The following HELZ variants were observed in gnomAD, a reference collection of about 807,000 sequenced individuals.
HELZ encodes the protein helicase with zinc finger, also known as ATP-dependent RNA helicase with zinc finger domain.
Under a neutral mutation model 218.2 loss-of-function variants are expected in HELZ, and 23 were observed. That is an observed-to-expected ratio of 0.11 (90% CI 0.08 to 0.15). The LOEUF (loss-of-function observed/expected upper bound fraction) is 0.15. Ranked by LOEUF, HELZ falls within the 10% of genes least tolerant of loss-of-function variation. The pLI, the probability that HELZ is intolerant of heterozygous loss-of-function variation, is 1.00. For missense variants in HELZ, 1,813 were observed against 2,353.7 expected (o/e 0.77, Z 4.75); for synonymous variants, 814 against 829.4 (o/e 0.98, Z 0.32).
In HELZ at chr17:67,225,021, G is replaced by A. The variant is rs2040852770; in HGVS notation, c.-18-6199C>T. On this transcript the variant is annotated intron_variant, in intron 3 of 32. Coordinates refer to ENST00000358691, the MANE Select transcript of HELZ (RefSeq NM_014877.4). ...TGAACTGGAAGGAGATAAGAGAAAG[G>A]GTCAAGTGATCCAGTTCTATGTGTC... 9 of 675,100 alleles carry A rather than the reference G, an allele frequency of 1.3e-5. 1 individual carries two copies. The highest frequency in any genetic ancestry group is 1.3e-4 in the South Asian group (9 of 71,768). 41.8% of individuals were successfully genotyped at this position (675,100 alleles called of 1,614,324 possible).
At chr17:67,190,049 C>A (rs1381273372) in intron 10 of HELZ, 108 bp downstream of exon 10, 2 of 866,562 alleles carry the variant, frequency 2.3e-6, no homozygotes, top group Non-Finnish European at 3.7e-6. Context: ...GAATCAAGTT[C>A]TTTGCAAAGA....
intron 31 of HELZ, among the ~76,000 whole-genome samples, chr17:67,093,028 T>C (rs910177502): frequency 6.6e-6 from 1 of 152,084 alleles, no homozygotes; most frequent in African/African-American, 2.4e-5. Flanking sequence ...GCATAAAAGA[T>C]AGTCCCAGAT....
intron 31 of HELZ, among the ~76,000 whole-genome samples, chr17:67,101,978 C>A (rs1026107720): frequency 1.3e-5 from 2 of 152,152 alleles, no homozygotes; most frequent in Non-Finnish European, 2.9e-5. Flanking sequence ...CCTCCTCATC[C>A]CATCACACCT....
At position 67,148,635 on chromosome 17, in the gene HELZ, T is replaced by C; in HGVS notation, c.2555A>G (p.Tyr852Cys). ...AATCCTACATGGGAACTCAGCAGGG[T>C]AATGCTCATAGAGTCGGTCAAGTAA... The part of the protein sequence containing the change: ...VSLLDRLYEH[Y>C]PAEFPCRILL... Residue 852 changes from tyrosine (Y) to cysteine (C), a missense_variant, in exon 20 of 33, where the codon TAC (tyrosine) becomes TGC (cysteine). Tyr to Cys is a radical substitution (Grantham distance 194). Transcript: ENST00000358691. The C allele has an allele frequency of 6.2e-7, 1 of 1,613,768 alleles. No individual in the cohort carries two copies. Among genetic ancestry groups the C allele is most frequent in the Non-Finnish European group, 8.5e-7 (1 of 1,179,752 alleles).
Position 67,074,715 on chromosome 17 carries a change from A to C in HELZ, c.*3537T>G, listed in dbSNP as rs953813147. On this transcript the variant is annotated 3_prime_UTR_variant, in exon 33 of 33. Transcript: ENST00000358691. ...ATAAAAAAGGAGAGTATTTTCATAA[A>C]TTGGTCTTAGATGTTGCTATGTTTA... 2 of 152,116 alleles carry C rather than the reference A, an allele frequency of 1.3e-5. No individual in the cohort carries two copies. Among genetic ancestry groups the C allele is most frequent in the Non-Finnish European group, 2.9e-5 (2 of 67,996 alleles). The allele number at this position is 152,116 out of a possible 1,614,324, so 9.4% of individuals were successfully genotyped here.
intron 3 of HELZ, among the ~76,000 whole-genome samples, chr17:67,235,503 A>G (rs1021991563): frequency 2.7e-5 from 4 of 148,118 alleles, no homozygotes; most frequent in African/African-American, 1.0e-4. Context: ...AGACTCCCTC[A>G]CAAAAAAAAA....
chr17:67,210,620 CA>C (rs1008314725), intron 5 of HELZ, among the ~76,000 whole-genome samples: 2 of 152,108 alleles, frequency 1.3e-5, no homozygotes, highest in Non-Finnish European at 2.9e-5. Flanking sequence ...TTACCTCATT[CA>C]TTTTTTTAGT....
At chr17:67,187,705 A>C (rs1473415272) in intron 12 of HELZ, among the ~76,000 whole-genome samples, 1 of 152,212 alleles carries the variant, frequency 6.6e-6, no homozygotes, top group African/African-American at 2.4e-5. Flanking sequence ...GGATCTTGGC[A>C]TAAAATTTAG....
At position 67,167,778 on chromosome 17, in the gene HELZ, T is replaced by C. The variant is rs748110594; in HGVS notation, c.1449A>G (p.Gln483=). ...GCATGAAGCTTGCCAGAATCTGCAA[T>C]TGCACTTTAAGGTTGAACCTAAACC... ...KEISKFNLKV[Q]LQILASFMLT... The change falls in exon 14 of 33, where the codon CAA becomes CAG. Residue 483 remains glutamine (Q), a synonymous_variant. Coordinates refer to ENST00000358691, the MANE Select transcript of HELZ (RefSeq NM_014877.4). The C allele has an allele frequency of 1.1e-5, 17 of 1,610,008 alleles. No individual in the cohort carries two copies. The highest frequency in any genetic ancestry group is 2.7e-5 in the African/African-American group (2 of 74,788).
chr17:67,212,859 A>T (rs1018757923), intron 5 of HELZ, among the ~76,000 whole-genome samples: 1 of 152,146 alleles, frequency 6.6e-6, no homozygotes. Flanking sequence ...CAGAAATGAG[A>T]TTAGTGGGTC....
At chr17:67,110,943 G>A (rs944971615) in intron 28 of HELZ, among the ~76,000 whole-genome samples, 1 of 152,140 alleles carries the variant, frequency 6.6e-6, no homozygotes, top group African/African-American at 2.4e-5. Flanking sequence ...AGAAAATTAA[G>A]GAAGGTTTCA....
chr17:67,187,660 A>C (rs1321744765), intron 12 of HELZ, among the ~76,000 whole-genome samples: 2 of 152,246 alleles, frequency 1.3e-5, no homozygotes, highest in Non-Finnish European at 2.9e-5. Flanking sequence ...AGAGCAAAGG[A>C]AATGTGGGCT....
intron 17 of HELZ, among the ~76,000 whole-genome samples, 198 bp from the exon 18 acceptor site, chr17:67,151,422 A>T (rs191474220): frequency 4.3e-4 from 65 of 152,326 alleles, no homozygotes; most frequent in African/African-American, 1.5e-3. Flanking sequence ...TACCAAAAAA[A>T]TGACAGACAT....
intron 1 of HELZ, chr17:67,244,707 C>G: frequency 1.0e-6 from 1 of 984,788 alleles, no homozygotes; most frequent in South Asian, 4.7e-5. Context: ...GGTGGAAGTC[C>G]GAGGCCTGAG....
At chr17:67,149,813 C>A in intron 19 of HELZ, 54 bp downstream of exon 19, 1 of 984,926 alleles carries the variant, frequency 1.0e-6, no homozygotes, top group South Asian at 1.5e-5. Flanking sequence ...GAATATTAAA[C>A]ATCAAAATAT....
In HELZ at chr17:67,109,544, G is replaced by C; in HGVS notation, c.4061C>G (p.Ala1354Gly). ...GGGATGAAAGTGGCGATTAGGGATT[G>C]CATACTGTGCGTGGGGAGCAGGAAG... ...LPLPAPHAQY[A>G]IPNRHFHPLP... The change falls in exon 29 of 33, where the codon GCA (alanine) becomes GGA (glycine). Residue 1354 changes from alanine to glycine, a missense_variant. This residue lies in a region of HELZ where 938 missense variants were observed against 1,027.5 expected (regional missense o/e 0.91). Coordinates refer to ENST00000358691, the MANE Select transcript of HELZ (RefSeq NM_014877.4). The C allele has an allele frequency of 1.2e-6, 2 of 1,614,174 alleles. No individual in the cohort carries two copies. Among genetic ancestry groups the C allele is most frequent in the Non-Finnish European group, 1.7e-6 (2 of 1,180,040 alleles).
intron 5 of HELZ, among the ~76,000 whole-genome samples, chr17:67,210,739 T>C (rs1314074227): frequency 6.6e-6 from 1 of 152,068 alleles, no homozygotes; most frequent in Admixed American, 6.6e-5. Flanking sequence ...CTGGCCAACA[T>C]GGTGAAACCC....
chr17:67,228,406 A>G (rs2040947996), intron 3 of HELZ, among the ~76,000 whole-genome samples: 1 of 152,128 alleles, frequency 6.6e-6, no homozygotes, highest in South Asian at 2.1e-4. Flanking sequence ...TGAAACTAGA[A>G]AGTAAATACA....
At chr17:67,186,604 T>C (rs1165838420) in intron 12 of HELZ, among the ~76,000 whole-genome samples, 1 of 152,214 alleles carries the variant, frequency 6.6e-6, no homozygotes, top group Non-Finnish European at 1.5e-5. Context: ...ATACTATCGT[T>C]CTTTTACATT....
Sources: gnomAD v4.1 joint callset for allele counts (sites outside exome capture counted in the v4.1 genomes callset) on GRCh38, gnomAD v4.1.1 for gene constraint, gnomAD v4.1.1 regional missense constraint, MANE v1.5 for transcripts, NCBI Gene and HGNC (gene_info 2026-07-23, HGNC 2026-07-21) for gene names.